CCDC180: variants seen among roughly 807,000 people sequenced by gnomAD.
CCDC180 encodes coiled-coil domain containing 180.
CCDC180 carries 154 observed loss-of-function variants against 209.2 expected under a neutral mutation model. The ratio of observed to expected loss-of-function variants is 0.74; its 90% CI spans 0.65 to 0.84. CCDC180 has a LOEUF of 0.84. Among genes scored for constraint, CCDC180 ranks in the 40% least tolerant of loss-of-function variants. CCDC180 has a pLI of 0.00. For missense variants in CCDC180, 1,874 were observed against 1,997.3 expected (o/e 0.94, Z 1.18); for synonymous variants, 778 against 749.1 (o/e 1.04, Z -0.63).
intron 19 of CCDC180, chr9:97,345,568 TTTTATTAA>T: frequency 2.4e-6 from 1 of 422,624 alleles, no homozygotes; most frequent in Non-Finnish European, 4.6e-6. Context: ...TCTGTCTTTT[TTTTATTAA>T]TTTATGGGAA....
At chr9:97,318,405 C>T in intron 9 of CCDC180, 58 bp from the exon 10 acceptor site, 1 of 1,592,930 alleles carries the variant, frequency 6.3e-7, no homozygotes, top group Non-Finnish European at 8.6e-7. Flanking sequence ...CTTTCCCTCT[C>T]TCACTCCTGC....
rs376416655 is a variant in CCDC180, at chr9:97,375,562, C to T, written c.4815C>T (p.Ala1605=). 1.1e-4 allele frequency: 173 copies of T among 1,614,220 alleles called. No individual in the cohort carries two copies. The highest frequency in any genetic ancestry group is 6.0e-4 in the Admixed American group (36 of 60,026). ...AAACCACCCTGGGCCACCTGGCGGC[C>T]GTGGAAGCCCGAGATGCTGTGTACC... is the stretch of plus-strand genomic sequence containing the variant. ...TTKTTLGHLA[A]VEARDAVYLK... Residue 1605 remains alanine, a synonymous_variant, in exon 36 of 37, where the codon GCC becomes GCT. Transcript: ENST00000529487.
chr9:97,319,838 C>A (rs1473056392), intron 10 of CCDC180, among the ~76,000 whole-genome samples: 1 of 152,108 alleles, frequency 6.6e-6, no homozygotes, highest in Non-Finnish European at 1.5e-5. Context: ...CAGATTAAGT[C>A]CCAGAAGGAG....
At chr9:97,312,817 G>A (rs1179794113) in intron 4 of CCDC180, among the ~76,000 whole-genome samples, 2 of 151,918 alleles carry the variant, frequency 1.3e-5, no homozygotes, top group African/African-American at 4.8e-5. Flanking sequence ...TGGCCAACTT[G>A]GTTCTACAAC....
chr9:97,329,875 T>C (rs1422368212), intron 16 of CCDC180, among the ~76,000 whole-genome samples: 1 of 152,122 alleles, frequency 6.6e-6, no homozygotes, highest in African/African-American at 2.4e-5. Context: ...GAGACCATCC[T>C]GGTTAACACG....
chr9:97,363,295 A>G (rs1241288874), intron 28 of CCDC180, among the ~76,000 whole-genome samples: 3 of 152,210 alleles, frequency 2.0e-5, no homozygotes, highest in South Asian at 2.1e-4. Context: ...ACCTACTGTT[A>G]TAGGTGATAT....
At chr9:97,367,604 G>T (rs760620494) in intron 31 of CCDC180, among the ~76,000 whole-genome samples, 9 of 152,128 alleles carry the variant, frequency 5.9e-5, no homozygotes, top group Admixed American at 2.6e-4. Flanking sequence ...CTCCTGAGTA[G>T]CTGGGACTAC....
intron 19 of CCDC180, among the ~76,000 whole-genome samples, chr9:97,345,208 T>C (rs1332524740): frequency 1.3e-5 from 2 of 152,222 alleles, no homozygotes. Flanking sequence ...CTGTTACATA[T>C]AGAACTAAGA....
rs569922517 is a variant in CCDC180 at position 97,366,391 on chromosome 9, C to T, written c.4048-168C>T. Among the ~76,000 whole-genome samples the T allele has an allele frequency of 7.0e-4, 106 of 152,256 alleles. No homozygotes were observed. Among genetic ancestry groups the T allele is most frequent in the Non-Finnish European group, 1.2e-3 (81 of 68,020 alleles). Reference sequence around the variant, plus strand: ...CTCACTCCAGGTGGGCCCAGGGAGGCGACACGGGCAGACAGGGAAGGAGGA... The same window carrying T: ...CTCACTCCAGGTGGGCCCAGGGAGGTGACACGGGCAGACAGGGAAGGAGGA... On this transcript the variant is annotated intron_variant, in intron 30 of 36. Coordinates refer to ENST00000529487, the MANE Select transcript of CCDC180 (RefSeq NM_020893.6). This position sits in a 1 kb window ranked among gnomAD's most constrained non-coding sequence, Gnocchi z 4.3.
chr9:97,322,876 T>C lies in CCDC180; in HGVS notation c.1203T>C (p.Tyr401=). The C allele has an allele frequency of 6.2e-7, 1 of 1,614,056 alleles. No homozygotes were observed. Among genetic ancestry groups the C allele is most frequent in the Admixed American group, 1.7e-5 (1 of 60,032 alleles). The change falls in exon 12 of 37, where the codon TAT becomes TAC. Residue 401 remains tyrosine (Y), a synonymous_variant. Transcript: ENST00000529487. ...VDCMMRIRLL[Y]EKTWQECLMH... ...GCATGATGCGGATCCGCCTGCTGTA[T>C]GAGAAGACATGGCAGGAGTGCCTGA...
chr9:97,321,315 G>A (rs1419427112), intron 11 of CCDC180, among the ~76,000 whole-genome samples: 1 of 152,182 alleles, frequency 6.6e-6, no homozygotes, highest in Non-Finnish European at 1.5e-5. Flanking sequence ...GGTTTGCCAC[G>A]ACTTGCTCTA....
chr9:97,307,927 C>A (rs1241034757), intron 1 of CCDC180, 56 bp from the exon 2 acceptor site: 3 of 1,578,870 alleles, frequency 1.9e-6, no homozygotes, highest in African/African-American at 2.7e-5. Context: ...CGAGGCCAGA[C>A]GTCGTCCCGC....
At chr9:97,309,010 A>G (rs1018164550) in intron 2 of CCDC180, among the ~76,000 whole-genome samples, 1 of 152,232 alleles carries the variant, frequency 6.6e-6, no homozygotes, top group Non-Finnish European at 1.5e-5. Flanking sequence ...ACCATATATC[A>G]TCTCCTAAGC....
At chr9:97,322,706 G>A (rs1833399277) in intron 11 of CCDC180, 127 bp from the exon 12 acceptor site, 2 of 758,374 alleles carry the variant, frequency 2.6e-6, no homozygotes, top group Non-Finnish European at 2.3e-6. Flanking sequence ...GATCTCAATC[G>A]GGACCACTGA....
chr9:97,354,816 C>T (rs1367720196), intron 23 of CCDC180, 76 bp from the exon 24 acceptor site: 2 of 1,559,390 alleles, frequency 1.3e-6, no homozygotes, highest in Non-Finnish European at 1.8e-6. Context: ...ATTCACTGGG[C>T]CTGTCCCCCT....
intron 31 of CCDC180, among the ~76,000 whole-genome samples, chr9:97,367,488 A>G (rs1826957825): frequency 6.8e-6 from 1 of 147,972 alleles, no homozygotes; most frequent in Non-Finnish European, 1.5e-5. Context: ...TTTTTCTGAG[A>G]CAGAGTCTCA....
intron 34 of CCDC180, 48 bp downstream of exon 34, chr9:97,371,754 G>A (rs1564178698): frequency 2.4e-6 from 3 of 1,231,352 alleles, no homozygotes; most frequent in Non-Finnish European, 3.5e-6. Context: ...GGGCTGGTGA[G>A]GGCTAGGTTG....
intron 5 of CCDC180, 139 bp downstream of exon 5, chr9:97,313,484 C>T: frequency 1.7e-6 from 1 of 572,946 alleles, no homozygotes; most frequent in Non-Finnish European, 3.1e-6. Context: ...ATGGAACCCT[C>T]TCTGAGTGCC....
intron 18 of CCDC180, among the ~76,000 whole-genome samples, chr9:97,332,871 T>C (rs1027549811): frequency 4.6e-5 from 7 of 152,184 alleles, no homozygotes; most frequent in Non-Finnish European, 1.0e-4. Flanking sequence ...TTCTTTATCC[T>C]GCCTGATTAC....
Sources: allele counts gnomAD v4.1 joint callset (sites outside exome capture counted in the v4.1 genomes callset), GRCh38; gene constraint gnomAD v4.1.1; non-coding constraint Gnocchi (gnomAD v3.1); transcripts MANE v1.5; gene names NCBI Gene and HGNC (gene_info 2026-07-23, HGNC 2026-07-21).